The following NOP58 variants were observed in gnomAD, a reference collection of about 807,000 sequenced individuals.
The protein encoded by NOP58 is NOP58 ribonucleoprotein, also known as nucleolar protein 58.
Under a neutral mutation model 71.2 loss-of-function variants are expected in NOP58, and 44 were observed. The observed-to-expected ratio is 0.62, with a 90% CI of 0.49 to 0.79. The LOEUF is 0.79. NOP58 is among the 30% of genes least tolerant of loss of function. The probability of loss-of-function intolerance (pLI) is 0.00; values close to 1 mark genes in which losing one functional copy is unlikely to be tolerated. For missense variants in NOP58, 538 were observed against 620.2 expected, an observed-to-expected ratio of 0.87 and a Z score of 1.41; for synonymous variants, 228 against 200.3, an observed-to-expected ratio of 1.14 and a Z score of -1.17.
intron 1 of NOP58, among the ~76,000 whole-genome samples, chr2:202,274,540 C>T (rs537823325): frequency 4.0e-5 from 6 of 151,526 alleles, no homozygotes; most frequent in Admixed American, 6.6e-5. Context: ...CCATGCTTGG[C>T]GCAAATTAAA....
chr2:202,291,340 A>ATGATGAT, intron 8 of NOP58, 70 bp downstream of exon 8: 1 of 1,224,182 alleles, frequency 8.2e-7, no homozygotes, highest in Non-Finnish European at 1.1e-6. Flanking sequence ...TCTGATGGCA[A>ATGATGAT]TGATGATTTT....
intron 1 of NOP58, among the ~76,000 whole-genome samples, chr2:202,274,843 A>G (rs1688565136): frequency 6.6e-6 from 1 of 152,196 alleles, no homozygotes; most frequent in South Asian, 2.1e-4. Context: ...GGGCAGGAAT[A>G]TCTCTTGAGG....
intron 3 of NOP58, 183 bp downstream of exon 3, chr2:202,278,185 A>G: frequency 1.4e-6 from 1 of 694,324 alleles, no homozygotes; most frequent in Non-Finnish European, 2.7e-6. Flanking sequence ...CACTGAGACA[A>G]CATTGAGTTA....
chr2:202,266,101 G>A, intron 1 of NOP58, 115 bp downstream of exon 1: 2 of 1,243,508 alleles, frequency 1.6e-6, no homozygotes, highest in Non-Finnish European at 1.2e-6. Flanking sequence ...TATAGCCCGG[G>A]CTCTGGGAGG....
chr2:202,293,070 A>G lies in NOP58; in HGVS notation c.907+167A>G, dbSNP rs369610635. On this transcript the variant is annotated intron_variant, in intron 9 of 14. Transcript: ENST00000264279. ...GGCCAAGTGTTCAATGATGATTTCT[A>G]TTTGTTTGCCTGATTTCCTTTTGGA... 27 of 808,418 alleles carry G rather than the reference A, an allele frequency of 3.3e-5. No homozygotes were observed. In the African/African-American group the frequency reaches 4.3e-4, roughly 13 times the overall value. The allele number at this position is 808,418 out of a possible 1,614,324, so 50.1% of individuals were successfully genotyped here.
intron 6 of NOP58, among the ~76,000 whole-genome samples, chr2:202,289,743 A>G (rs1688855187): frequency 6.6e-6 from 1 of 152,190 alleles, no homozygotes; most frequent in Non-Finnish European, 1.5e-5. Context: ...AGTACCTAAA[A>G]TAGGTGAACT....
intron 9 of NOP58, among the ~76,000 whole-genome samples, chr2:202,294,438 A>G (rs1473696047): frequency 6.6e-6 from 1 of 152,146 alleles, no homozygotes; most frequent in Non-Finnish European, 1.5e-5. Context: ...CTGACAGGAA[A>G]TATTCTATAC....
chr2:202,268,559 C>T (rs1688457922), intron 1 of NOP58, among the ~76,000 whole-genome samples: 1 of 151,418 alleles, frequency 6.6e-6, no homozygotes, highest in Admixed American at 6.6e-5. Context: ...ATATTGGATG[C>T]ATATAATTCA....
At chr2:202,298,671 T>G (rs1218966247) in intron 12 of NOP58, among the ~76,000 whole-genome samples, 1 of 152,154 alleles carries the variant, frequency 6.6e-6, no homozygotes, top group Non-Finnish European at 1.5e-5. Context: ...TACAGAAACC[T>G]ATTTTGTAAA....
chr2:202,276,357 A>G lies in NOP58; in HGVS notation c.122+1168A>G, dbSNP rs139513732. ...CCTGTCTCCAAAAAAAAAAAAAAAGATGACACTGTTTTAGGCAACTAGAAG... is the reference window on the plus strand; with the variant it reads ...CCTGTCTCCAAAAAAAAAAAAAAAGGTGACACTGTTTTAGGCAACTAGAAG... On this transcript the variant is annotated intron_variant, in intron 2 of 14. Transcript: ENST00000264279. 2.9e-3 allele frequency: 813 copies of G among 283,432 alleles called. 6 individuals are homozygous for G. Among genetic ancestry groups the G allele is most frequent in the Non-Finnish European group, 4.8e-3 (643 of 133,352 alleles). 17.6% of individuals were successfully genotyped at this position (283,432 alleles called of 1,614,324 possible). A position where few individuals can be genotyped will look rare whatever the true frequency, so the allele number is the denominator to read the frequency against.
intron 1 of NOP58, among the ~76,000 whole-genome samples, chr2:202,266,504 CGG>C (rs1184919796): frequency 3.9e-5 from 6 of 151,958 alleles, no homozygotes; most frequent in African/African-American, 1.4e-4. Context: ...TTAGTAGAGA[CGG>C]GGTTTCACCA....
chr2:202,273,083 C>A (rs948408794), intron 1 of NOP58, among the ~76,000 whole-genome samples: 1 of 152,162 alleles, frequency 6.6e-6, no homozygotes, highest in Non-Finnish European at 1.5e-5. Flanking sequence ...CGAGATCCTG[C>A]CATTGCACTC....
rs145726074 is a variant in NOP58 at position 202,297,423 on chromosome 2, T to C, written c.1116T>C (p.Tyr372=). 9.6e-5 allele frequency: 155 copies of C among 1,613,946 alleles called. No homozygotes were observed. Among genetic ancestry groups the C allele is most frequent in the Non-Finnish European group, 1.2e-4 (145 of 1,179,934 alleles). Residue 372 remains tyrosine, a synonymous_variant, in exon 11 of 15, where the codon TAT becomes TAC. Coordinates refer to ENST00000264279, the MANE Select transcript of NOP58 (RefSeq NM_015934.5). ...CCAAAACCGTTTTGGCTATCCGTTA[T>C]GATGCTTTTGGTGAGGATTCAAGTT... ...LAAKTVLAIR[Y]DAFGEDSSSA...
At chr2:202,278,047 CT>C in intron 3 of NOP58, 45 bp downstream of exon 3, 1 of 1,182,652 alleles carries the variant, frequency 8.5e-7, no homozygotes, top group Non-Finnish European at 1.3e-6. Flanking sequence ...AAAATTAAGT[CT>C]TAGCCGTTTG....
In NOP58 at chr2:202,295,738, A is replaced by G. The variant is rs572583875; in HGVS notation, c.972A>G (p.Ala324=). Residue 324 remains alanine, a synonymous_variant, in exon 10 of 15, where the codon GCA becomes GCG. Coordinates refer to ENST00000264279, the MANE Select transcript of NOP58 (RefSeq NM_015934.5). ...TTCAGATTCTTGGAGCTGAAAAGGC[A>G]CTTTTCAGAGCCCTCAAATCTAGAC... ...STVQILGAEK[A]LFRALKSRRD... 1 of 1,611,312 alleles carries G rather than the reference A, an allele frequency of 6.2e-7. No homozygotes were observed. The highest frequency in any genetic ancestry group is 1.3e-5 in the African/African-American group (1 of 74,904).
At chr2:202,278,402 G>C in intron 3 of NOP58, 1 of 379,996 alleles carries the variant, frequency 2.6e-6, no homozygotes, top group Non-Finnish European at 5.3e-6. Context: ...AGAACAGCCA[G>C]GATTCACAGT....
Position 202,303,545 on chromosome 2 carries a change from A to C in NOP58, c.*109A>C. The C allele has an allele frequency of 7.2e-7, 1 of 1,387,504 alleles. No homozygotes were observed. The highest frequency in any genetic ancestry group is 2.5e-5 in the East Asian group (1 of 39,592). 85.9% of individuals were successfully genotyped at this position (1,387,504 alleles called of 1,614,324 possible). On this transcript the variant is annotated 3_prime_UTR_variant, in exon 15 of 15. Transcript: ENST00000264279. The stretch of plus-strand genomic sequence containing the variant: ...TAATCAAGGGAAGGTTCAGTAAGAC[A>C]AAGTGATTTATCATCTATAACTTCA...
At chr2:202,268,718 TCTC>T (rs1460523960) in intron 1 of NOP58, among the ~76,000 whole-genome samples, 1 of 149,434 alleles carries the variant, frequency 6.7e-6, no homozygotes, top group African/African-American at 2.5e-5. Flanking sequence ...ATCAAGCAAT[TCTC>T]CTGCCTCAGC....
intron 3 of NOP58, among the ~76,000 whole-genome samples, chr2:202,280,400 T>C (rs1369732048): frequency 6.6e-6 from 1 of 152,068 alleles, no homozygotes; most frequent in Non-Finnish European, 1.5e-5. Flanking sequence ...CTCGGCTCAC[T>C]GCAGTCTCCA....
Sources: gnomAD v4.1 joint callset for allele counts (sites outside exome capture counted in the v4.1 genomes callset) on GRCh38, gnomAD v4.1.1 for gene constraint, MANE v1.5 for transcripts, NCBI Gene and HGNC (gene_info 2026-07-23, HGNC 2026-07-21) for gene names.